Variants in KLRG1 observed in about 807,000 individuals in gnomAD.
KLRG1 encodes the protein killer cell lectin like receptor G1.
Under a neutral mutation model 21.8 loss-of-function variants are expected in KLRG1, and 16 were observed. That is an observed-to-expected ratio of 0.73 (90% confidence interval 0.50 to 1.11). KLRG1 has a LOEUF of 1.11. Ranked by LOEUF, KLRG1 falls within the 50% of genes most tolerant of loss-of-function variation. The pLI is 0.00. For synonymous variants in KLRG1, 69 were observed against 75.9 expected (o/e 0.91, Z 0.47); for missense variants, 173 against 218.3 (o/e 0.79, Z 1.31).
chr12:8,980,928 T>C (rs2137288405), intron 1 of KLRG1, among the ~76,000 whole-genome samples: 2 of 152,302 alleles, frequency 1.3e-5, no homozygotes, highest in Middle Eastern at 3.4e-3. Flanking sequence ...CTGATGGTAT[T>C]CCTCTTGTCT....
chr12:9,191,659 A>G, the KLRG1 span, among the ~76,000 whole-genome samples: 1 of 152,084 alleles, frequency 6.6e-6, no homozygotes, highest in Non-Finnish European at 1.5e-5. Flanking sequence ...AAAAATGTTC[A>G]CGGGTTCTCT....
chr12:8,952,676 G>A (rs1276472748), intron 1 of KLRG1, among the ~76,000 whole-genome samples: 1 of 152,104 alleles, frequency 6.6e-6, no homozygotes, highest in Non-Finnish European at 1.5e-5. Flanking sequence ...ATTTTGAACA[G>A]GTTGAGAGTA....
the KLRG1 span, among the ~76,000 whole-genome samples, chr12:9,159,369 ACT>A: frequency 6.6e-6 from 1 of 152,026 alleles, no homozygotes; most frequent in Admixed American, 6.5e-5. Context: ...GAAGCTAATA[ACT>A]CTCACTTCCC....
chr12:9,120,890 T>C, the KLRG1 span, among the ~76,000 whole-genome samples: 3 of 151,798 alleles, frequency 2.0e-5, no homozygotes, highest in East Asian at 3.9e-4. Context: ...TGTGTATTTT[T>C]TTTTTTCAGA....
Position 9,009,595 on chromosome 12 carries a change from C to A in KLRG1, c.*58C>A, listed in dbSNP as rs1013885533. 8.1e-5 allele frequency: 129 copies of A among 1,587,634 alleles called. 1 individual carries two copies. In the South Asian group the frequency reaches 1.1e-3, roughly 14 times the overall value. On this transcript the variant is annotated 3_prime_UTR_variant, in exon 5 of 5. Transcript: ENST00000356986. Reference sequence around the variant, plus strand: ...GTCATGTATCCCTAAAAGGAGGGAGCTGGCCACTGGCTGTTGGGAAAGCCA... The same window carrying A: ...GTCATGTATCCCTAAAAGGAGGGAGATGGCCACTGGCTGTTGGGAAAGCCA...
chr12:9,031,087 T>G, the KLRG1 span, among the ~76,000 whole-genome samples: 1 of 152,260 alleles, frequency 6.6e-6, no homozygotes, highest in African/African-American at 2.4e-5. Context: ...TGTTGGGGAT[T>G]TCCCTGCAGG....
the KLRG1 span, among the ~76,000 whole-genome samples, chr12:9,174,955 A>C: frequency 0.59 from 90,388 of 152,056 alleles, 27,814 homozygotes; most frequent in East Asian, 0.83. Context: ...GAATTAGAAA[A>C]ATCTATTTTA....
At chr12:9,150,110 G>T in the KLRG1 span, among the ~76,000 whole-genome samples, 1 of 152,078 alleles carries the variant, frequency 6.6e-6, no homozygotes, top group African/African-American at 2.4e-5. Flanking sequence ...ACACTCATTT[G>T]TCACTAATAG....
chr12:9,065,197 A>T, the KLRG1 span: 2 of 107,444 alleles, frequency 1.9e-5, no homozygotes, highest in South Asian at 7.3e-4. Context: ...GCCTGCAAGG[A>T]GGCGCCACCG....
the KLRG1 span, among the ~76,000 whole-genome samples, chr12:9,207,022 G>A: frequency 2.0e-5 from 3 of 152,142 alleles, no homozygotes; most frequent in Non-Finnish European, 2.9e-5. Flanking sequence ...GATAGTGGGG[G>A]AGAAATGTAC....
chr12:8,993,746 T>A (rs1213374223), intron 2 of KLRG1, among the ~76,000 whole-genome samples: 1 of 152,176 alleles, frequency 6.6e-6, no homozygotes, highest in African/African-American at 2.4e-5. Flanking sequence ...AGGTGCCAAT[T>A]TAACAGCTTG....
chr12:9,137,954 G>C, the KLRG1 span, among the ~76,000 whole-genome samples: 723 of 152,072 alleles, frequency 4.8e-3, 3 homozygotes, highest in South Asian at 7.0e-3. Context: ...TAATATAATG[G>C]CATCAGCAAA....
chr12:9,008,906 A>C lies in KLRG1; in HGVS notation c.358-69A>C, dbSNP rs1384101500. On this transcript the variant is annotated intron_variant, in intron 3 of 4. Coordinates refer to ENST00000356986, the MANE Select transcript of KLRG1 (RefSeq NM_005810.4). ...TTACTTAACTTAGTATTAGGAATCC[A>C]ATGTGGAAAGGAATAATTGTTTGAC... The C allele has an allele frequency of 3.0e-5, 30 of 999,756 alleles. No individual in the cohort carries two copies. The East Asian group carries it at 5.5e-4, about 18-fold the overall frequency. 61.9% of individuals were successfully genotyped at this position (999,756 alleles called of 1,614,324 possible).
chr12:9,012,727 G>A (rs1391606734), downstream of KLRG1, among the ~76,000 whole-genome samples: 1 of 152,052 alleles, frequency 6.6e-6, no homozygotes, highest in Non-Finnish European at 1.5e-5. Flanking sequence ...CTTGATTCCA[G>A]GCTCCTGGAC....
the KLRG1 span, among the ~76,000 whole-genome samples, chr12:9,118,543 C>T: frequency 2.0e-5 from 3 of 152,186 alleles, no homozygotes; most frequent in South Asian, 2.1e-4. Context: ...CAAAAGTCTA[C>T]GCCAGTTGGG....
chr12:9,119,002 C>T, the KLRG1 span, among the ~76,000 whole-genome samples: 3 of 152,110 alleles, frequency 2.0e-5, no homozygotes, highest in African/African-American at 7.2e-5. Context: ...CAAGAAGGGC[C>T]AATTAGAGAG....
At chr12:9,105,757 A>G in the KLRG1 span, among the ~76,000 whole-genome samples, 1 of 152,202 alleles carries the variant, frequency 6.6e-6, no homozygotes, top group Admixed American at 6.5e-5. Flanking sequence ...GTGTAAATAT[A>G]CTATCCATGA....
At chr12:8,956,895 G>T (rs981792173) in intron 1 of KLRG1, among the ~76,000 whole-genome samples, 6 of 152,216 alleles carry the variant, frequency 3.9e-5, no homozygotes, top group Admixed American at 6.5e-5. Flanking sequence ...TGGAGGTGAT[G>T]CCCTGCTGTA....
chr12:9,146,194 T>C, the KLRG1 span, among the ~76,000 whole-genome samples: 1 of 152,234 alleles, frequency 6.6e-6, no homozygotes, highest in East Asian at 1.9e-4. Flanking sequence ...ATAAGTTCCT[T>C]AGGTTTTCTA....
Sources: gnomAD v4.1 joint callset for allele counts (sites outside exome capture counted in the v4.1 genomes callset) on GRCh38, gnomAD v4.1.1 for gene constraint, MANE v1.5 for transcripts, NCBI Gene and HGNC (gene_info 2026-07-23, HGNC 2026-07-21) for gene names.